Variants in CNST observed in about 807,000 individuals in gnomAD.
CNST encodes the protein consortin, connexin sorting protein.
CNST carries 39 observed loss-of-function variants against 72.4 expected under a neutral mutation model. The ratio of observed to expected loss-of-function variants is 0.54; its 90% CI spans 0.42 to 0.70. CNST has a LOEUF of 0.70. CNST is among the 30% of genes least tolerant of loss of function. The pLI, the probability that CNST is intolerant of heterozygous loss-of-function variation, is 0.00. For synonymous variants in CNST, 332 were observed against 320.1 expected (o/e 1.04, Z -0.40); for missense variants, 871 against 868.5 (o/e 1.00, Z -0.04).
Position 246,591,933 on chromosome 1 carries a change from T to A in CNST, c.371T>A (p.Ile124Lys). Reference protein sequence around the residue: ...PRSKKGTAKKIPPGLFSGDIA... With the variant: ...PRSKKGTAKKKPPGLFSGDIA... ...AGCAAAAAAGGGACTGCTAAGAAGA[T>A]ACCACCAGGTATTGTTTAAAATAGT... Residue 124 changes from isoleucine (I) to lysine (K), a missense_variant, in exon 2 of 11, where the codon ATA becomes AAA. Transcript: ENST00000366513. 3.1e-6 allele frequency: 5 copies of A among 1,602,692 alleles called. No homozygotes were observed. The highest frequency in any genetic ancestry group is 8.5e-7 in the Non-Finnish European group (1 of 1,176,490).
At chr1:246,572,266 A>C (rs1660111960) in intron 1 of CNST, among the ~76,000 whole-genome samples, 1 of 152,204 alleles carries the variant, frequency 6.6e-6, no homozygotes, top group African/African-American at 2.4e-5. Flanking sequence ...TGAATTAAAT[A>C]CTTTTTTATA....
chr1:246,575,134 C>T (rs1489325888), intron 1 of CNST, among the ~76,000 whole-genome samples: 1 of 152,092 alleles, frequency 6.6e-6, no homozygotes, highest in Admixed American at 6.6e-5. Context: ...GCTGGGATTA[C>T]AGGCACCCGC....
At chr1:246,589,749 T>C (rs1242135824) in intron 1 of CNST, among the ~76,000 whole-genome samples, 1 of 152,208 alleles carries the variant, frequency 6.6e-6, no homozygotes, top group East Asian at 1.9e-4. Flanking sequence ...AAAGTGTCCC[T>C]GTTTCTCCAC....
chr1:246,597,359 C>T (rs1167079552), intron 2 of CNST, among the ~76,000 whole-genome samples: 8 of 152,200 alleles, frequency 5.3e-5, no homozygotes, highest in East Asian at 1.9e-4. Context: ...GAAGAAATCA[C>T]GTACCCATTA....
chr1:246,667,189 C>T lies in CNST; in HGVS notation c.*1284C>T, dbSNP rs1296558930. 1 of 151,866 alleles carries T rather than the reference C, an allele frequency of 6.6e-6. No individual in the cohort carries two copies. The highest frequency in any genetic ancestry group is 2.4e-5 in the African/African-American group (1 of 41,354). 9.4% of individuals were successfully genotyped at this position (151,866 alleles called of 1,614,324 possible). On this transcript the variant is annotated 3_prime_UTR_variant, in exon 11 of 11. Transcript: ENST00000366513. ...GTTTTTAACAAGTGATCTTTATTTC[C>T]TGTCTTCTGTTAGGATCATTTGAAA...
chr1:246,589,832 C>G (rs543461176), intron 1 of CNST, among the ~76,000 whole-genome samples: 4,339 of 152,172 alleles, frequency 0.029, 202 homozygotes, highest in African/African-American at 0.1. Flanking sequence ...TGGTATCTCA[C>G]TGTGGTTTTG....
At chr1:246,622,519 C>T (rs1401827457) in intron 3 of CNST, among the ~76,000 whole-genome samples, 1 of 152,094 alleles carries the variant, frequency 6.6e-6, no homozygotes, top group Non-Finnish European at 1.5e-5. Flanking sequence ...CTGTGAAAGC[C>T]GTGGCTGGGA....
chr1:246,620,740 A>ACT (rs60574087), intron 2 of CNST, among the ~76,000 whole-genome samples: 42,402 of 130,276 alleles, frequency 0.33, 7,561 homozygotes, highest in East Asian at 0.64. Context: ...CTCTGGGAAC[A>ACT]CTACAGGGAG....
intron 1 of CNST, among the ~76,000 whole-genome samples, chr1:246,585,190 C>T (rs753506330): frequency 4.6e-5 from 7 of 152,176 alleles, no homozygotes; most frequent in East Asian, 1.9e-4. Context: ...TCTGGTTTTT[C>T]GTCCAGCTCT....
At chr1:246,625,078 C>T (rs751307498) in intron 3 of CNST, among the ~76,000 whole-genome samples, 1 of 152,180 alleles carries the variant, frequency 6.6e-6, no homozygotes, top group Non-Finnish European at 1.5e-5. Context: ...AAGAAGGATA[C>T]TCTCCTACAT....
chr1:246,657,954 CTA>C (rs1666859706), intron 9 of CNST, among the ~76,000 whole-genome samples: 1 of 152,176 alleles, frequency 6.6e-6, no homozygotes, highest in African/African-American at 2.4e-5. Context: ...ATCTTTAAAA[CTA>C]TTCTTAATAG....
chr1:246,621,766 G>C, intron 3 of CNST, 132 bp downstream of exon 3: 1 of 777,702 alleles, frequency 1.3e-6, no homozygotes, highest in Non-Finnish European at 2.2e-6. Flanking sequence ...AGGCTGAGGT[G>C]GGTGGATGGC....
intron 10 of CNST, among the ~76,000 whole-genome samples, chr1:246,664,153 A>G (rs572043595): frequency 6.6e-6 from 1 of 152,380 alleles, no homozygotes; most frequent in Admixed American, 6.5e-5. Context: ...TCATTCTATT[A>G]AATACTTACA....
At chr1:246,587,913 A>C (rs1572133092) in intron 1 of CNST, among the ~76,000 whole-genome samples, 1 of 152,268 alleles carries the variant, frequency 6.6e-6, no homozygotes, top group East Asian at 1.9e-4. Flanking sequence ...AGTTTCAGTT[A>C]ATTTCTTCAT....
chr1:246,573,048 A>C (rs185789435), intron 1 of CNST, among the ~76,000 whole-genome samples: 299 of 152,348 alleles, frequency 2.0e-3, no homozygotes, highest in Non-Finnish European at 3.2e-3. Flanking sequence ...TATACTGGTT[A>C]TGATATTGTG....
intron 2 of CNST, among the ~76,000 whole-genome samples, chr1:246,600,560 A>T (rs533443448): frequency 5.4e-4 from 82 of 152,326 alleles, no homozygotes; most frequent in Admixed American, 8.5e-4. Flanking sequence ...AATTAACAGG[A>T]CTGGATCATT....
In CNST at chr1:246,591,744, C is replaced by G. The variant is rs766983098; in HGVS notation, c.182C>G (p.Pro61Arg). The G allele has an allele frequency of 1.9e-6, 3 of 1,614,104 alleles. No individual in the cohort carries two copies. Among genetic ancestry groups the G allele is most frequent in the Non-Finnish European group, 8.5e-7 (1 of 1,180,026 alleles). Residue 61 changes from proline (P) to arginine (R), a missense_variant, in exon 2 of 11, where the codon CCC becomes CGC. Transcript: ENST00000366513. Reference sequence around the variant, plus strand: ...AGCAGTGACAGTGCGATGGGAAAGCCCCAAGTGTCTGAGCAGGACAGTCTC... The same window carrying G: ...AGCAGTGACAGTGCGATGGGAAAGCGCCAAGTGTCTGAGCAGGACAGTCTC... ...LTSSDSAMGK[P>R]QVSEQDSLNN...
At chr1:246,626,343 A>T (rs922819853) in intron 3 of CNST, among the ~76,000 whole-genome samples, 1 of 150,222 alleles carries the variant, frequency 6.7e-6, no homozygotes, top group Admixed American at 6.6e-5. Context: ...GAGCCACTGC[A>T]CCCAGCCCTA....
intron 1 of CNST, among the ~76,000 whole-genome samples, chr1:246,590,823 A>G (rs1291368262): frequency 6.7e-6 from 1 of 149,748 alleles, no homozygotes; most frequent in Non-Finnish European, 1.5e-5. Flanking sequence ...ATTTCTTCCA[A>G]TTCTACACTA....
Sources: allele counts gnomAD v4.1 joint callset (sites outside exome capture counted in the v4.1 genomes callset), GRCh38; gene constraint gnomAD v4.1.1; transcripts MANE v1.5; gene names NCBI Gene and HGNC (gene_info 2026-07-23, HGNC 2026-07-21).